Variants in GPR158 observed in about 807,000 individuals in gnomAD.
GPR158 encodes the protein metabotropic glycine receptor.
In GPR158, 30 loss-of-function variants were observed where a neutral mutation model predicts 78.2. The ratio of observed to expected loss-of-function variants is 0.38; its 90% CI spans 0.29 to 0.52. GPR158 has a LOEUF of 0.52. GPR158 is among the 20% of genes least tolerant of loss of function. GPR158 has a pLI of 0.83. For synonymous variants in GPR158, 581 were observed against 591.1 expected (o/e 0.98, Z 0.25); for missense variants, 1,463 against 1,523.5 (o/e 0.96, Z 0.66).
At chr10:25,379,662 T>TC (rs1248486399) in intron 2 of GPR158, among the ~76,000 whole-genome samples, 2 of 150,390 alleles carry the variant, frequency 1.3e-5, no homozygotes, top group Non-Finnish European at 3.0e-5. Flanking sequence ...TTTTTTTTTT[T>TC]TTTCTGTACT....
At chr10:25,249,126 G>A (rs1853750508) in intron 2 of GPR158, among the ~76,000 whole-genome samples, 1 of 152,028 alleles carries the variant, frequency 6.6e-6, no homozygotes, top group Admixed American at 6.6e-5. Flanking sequence ...TGTTGTTGGT[G>A]TATAAGAATG....
intron 5 of GPR158, among the ~76,000 whole-genome samples, chr10:25,501,250 C>T (rs1346849113): frequency 6.6e-6 from 1 of 152,148 alleles, no homozygotes; most frequent in East Asian, 1.9e-4. Context: ...AGAGATGCTG[C>T]ACTGCGCAGT....
intron 2 of GPR158, among the ~76,000 whole-genome samples, chr10:25,387,989 T>C (rs527810727): frequency 1.3e-5 from 2 of 152,344 alleles, no homozygotes; most frequent in Admixed American, 1.3e-4. Context: ...TTATTATGAT[T>C]CAATCTTGAT....
At chr10:25,373,973 TTAA>T (rs1276240953) in intron 2 of GPR158, among the ~76,000 whole-genome samples, 3 of 151,742 alleles carry the variant, frequency 2.0e-5, no homozygotes, top group African/African-American at 7.2e-5. Context: ...ATCTTCATAC[TTAA>T]TGATTTTTTG....
intron 5 of GPR158, among the ~76,000 whole-genome samples, chr10:25,490,481 C>T (rs1253195760): frequency 1.9e-4 from 22 of 114,300 alleles, no homozygotes; most frequent in African/African-American, 6.9e-4. Flanking sequence ...TGTGATATTC[C>T]CCTTCCTGTG....
At chr10:25,486,394 T>TA (rs1294033793) in intron 5 of GPR158, among the ~76,000 whole-genome samples, 1 of 152,098 alleles carries the variant, frequency 6.6e-6, no homozygotes, top group Non-Finnish European at 1.5e-5. Context: ...TTGGGTTAGT[T>TA]AGCCTCTTTA....
At chr10:25,218,796 A>G (rs1853254721) in intron 1 of GPR158, among the ~76,000 whole-genome samples, 1 of 152,120 alleles carries the variant, frequency 6.6e-6, no homozygotes, top group African/African-American at 2.4e-5. Context: ...CTTTAAAAAA[A>G]TTTTAAAATT....
At chr10:25,316,104 G>A (rs1854844178) in intron 2 of GPR158, among the ~76,000 whole-genome samples, 1 of 152,154 alleles carries the variant, frequency 6.6e-6, no homozygotes, top group Non-Finnish European at 1.5e-5. Flanking sequence ...TGTGATGTCA[G>A]TCTAATTCTC....
At chr10:25,510,534 T>TTTTA (rs375045417) in intron 5 of GPR158, among the ~76,000 whole-genome samples, 6,385 of 152,100 alleles carry the variant, frequency 0.042, 414 homozygotes, top group East Asian at 0.18. Flanking sequence ...AAGGACTTTG[T>TTTTA]TTTATTTATT....
At chr10:25,556,783 C>A (rs1836791998) in intron 6 of GPR158, among the ~76,000 whole-genome samples, 1 of 152,146 alleles carries the variant, frequency 6.6e-6, no homozygotes, top group African/African-American at 2.4e-5. Flanking sequence ...TTCAGATATA[C>A]CAGTAGAACA....
chr10:25,523,648 G>A (rs1836308033), intron 5 of GPR158, among the ~76,000 whole-genome samples: 4 of 152,166 alleles, frequency 2.6e-5, no homozygotes, highest in South Asian at 4.2e-4. Context: ...TGGAGACTTC[G>A]GTACCCTACT....
At chr10:25,526,783 G>A (rs947058358) in intron 5 of GPR158, among the ~76,000 whole-genome samples, 16 of 152,132 alleles carry the variant, frequency 1.1e-4, no homozygotes, top group African/African-American at 3.9e-4. Context: ...AGACAATCAA[G>A]AAACAACCCC....
Position 25,456,096 on chromosome 10 carries a change from C to G in GPR158, c.1336-10555C>G, listed in dbSNP as rs190611956. On this transcript the variant is annotated intron_variant, in intron 4 of 10. Transcript: ENST00000376351. ...CTACCCTACAACCCTTTATAGTCTA[C>G]CTTTGTTGCTTGCCTGTCAAATACA... 7.5e-4 allele frequency among the ~76,000 whole-genome samples: 114 copies of G among 152,246 alleles called. 2 individuals carry two copies. In the East Asian group the frequency reaches 0.019, roughly 25 times the overall value.
chr10:25,390,544 A>C (rs1375698956), intron 2 of GPR158, among the ~76,000 whole-genome samples: 3 of 152,180 alleles, frequency 2.0e-5, no homozygotes, highest in African/African-American at 7.2e-5. Flanking sequence ...CTTGAAAGAG[A>C]GGATTTAGGG....
intron 2 of GPR158, among the ~76,000 whole-genome samples, chr10:25,281,649 A>G (rs537085854): frequency 6.6e-6 from 1 of 150,460 alleles, no homozygotes; most frequent in East Asian, 1.9e-4. Flanking sequence ...AATTAAAATT[A>G]CTCCATAATC....
At chr10:25,449,616 T>C (rs948440693) in intron 4 of GPR158, among the ~76,000 whole-genome samples, 1 of 152,086 alleles carries the variant, frequency 6.6e-6, no homozygotes, top group African/African-American at 2.4e-5. Context: ...CTGGAAGATG[T>C]TGGTCAAAGG....
intron 1 of GPR158, among the ~76,000 whole-genome samples, chr10:25,186,569 C>T (rs915254265): frequency 6.6e-6 from 1 of 152,136 alleles, no homozygotes; most frequent in African/African-American, 2.4e-5. Context: ...GAAATACGAA[C>T]TACCATCAGA....
chr10:25,446,761 G>T (rs751169890), intron 4 of GPR158, among the ~76,000 whole-genome samples: 9 of 152,138 alleles, frequency 5.9e-5, no homozygotes, highest in Non-Finnish European at 1.3e-4. Context: ...TAAGTAACTA[G>T]GTAATATGAA....
intron 2 of GPR158, among the ~76,000 whole-genome samples, chr10:25,305,621 G>GA (rs1289925707): frequency 2.0e-5 from 3 of 152,116 alleles, no homozygotes; most frequent in Non-Finnish European, 4.4e-5. Context: ...AAGAAGGAGA[G>GA]AGAGGGGTCC....
Sources: gnomAD v4.1 joint callset for allele counts (sites outside exome capture counted in the v4.1 genomes callset) on GRCh38, gnomAD v4.1.1 for gene constraint, MANE v1.5 for transcripts, NCBI Gene and HGNC (gene_info 2026-07-23, HGNC 2026-07-21) for gene names.